FUT9: variants seen among roughly 807,000 people sequenced by gnomAD.
The protein encoded by FUT9 is fucosyltransferase 9, also known as 4-galactosyl-N-acetylglucosaminide 3-alpha-L-fucosyltransferase 9.
FUT9 carries 15 observed loss-of-function variants against 29.7 expected under a neutral mutation model. The observed-to-expected ratio is 0.51, with a 90% CI of 0.34 to 0.78. FUT9 has a LOEUF of 0.78. FUT9 is among the 30% of genes least tolerant of loss of function. FUT9 has a pLI of 0.01. For synonymous variants in FUT9, 169 were observed against 153.7 expected, an observed-to-expected ratio of 1.10 and a Z score of -0.74; for missense variants, 319 against 425.4, an observed-to-expected ratio of 0.75 and a Z score of 2.20.
intron 1 of FUT9, among the ~76,000 whole-genome samples, chr6:96,055,433 T>C (rs577990783): frequency 4.0e-5 from 6 of 151,832 alleles, no homozygotes; most frequent in Non-Finnish European, 7.4e-5. Flanking sequence ...TAAGTTAATT[T>C]CAAATTTTAG....
At chr6:96,066,354 C>T (rs1770961772) in intron 1 of FUT9, among the ~76,000 whole-genome samples, 1 of 149,782 alleles carries the variant, frequency 6.7e-6, no homozygotes, top group South Asian at 2.1e-4. Context: ...AAATCTAGAA[C>T]TAAGGGGAAT....
chr6:96,053,469 G>A (rs1464645173), intron 1 of FUT9, among the ~76,000 whole-genome samples: 1 of 152,144 alleles, frequency 6.6e-6, no homozygotes, highest in Non-Finnish European at 1.5e-5. Flanking sequence ...AGCACTTTGG[G>A]AGGCCGAGGC....
At chr6:96,117,253 A>G (rs1187534410) in intron 2 of FUT9, among the ~76,000 whole-genome samples, 1 of 152,216 alleles carries the variant, frequency 6.6e-6, no homozygotes, top group Non-Finnish European at 1.5e-5. Flanking sequence ...ATAAGTAAAT[A>G]AATTATAGAT....
Position 96,205,056 on chromosome 6 carries a change from G to GA in FUT9, c.*826dup, listed in dbSNP as rs1773802613. 6.0e-6 allele frequency: 1 copy of GA among 166,240 alleles called. No individual in the cohort carries two copies. The highest frequency in any genetic ancestry group is 2.1e-4 in the South Asian group (1 of 4,808). The allele number at this position is 166,240 out of a possible 1,614,324, so 10.3% of individuals were successfully genotyped here. A position where few individuals can be genotyped will look rare whatever the true frequency, so the allele number is the denominator to read the frequency against. On this transcript the variant is annotated 3_prime_UTR_variant, in exon 3 of 3. Transcript: ENST00000302103. ...ACAAATAATTTCCTCAAATAACAAA[G>GA]AAAAATGATACCTATAAATATATTT...
chr6:96,135,875 G>A (rs9485751), intron 2 of FUT9, among the ~76,000 whole-genome samples: 135,839 of 151,256 alleles, frequency 0.9, 62,439 homozygotes, highest in East Asian at 0.99. Context: ...AAAGTGGGAA[G>A]CAAACATTTC....
At chr6:96,046,292 G>A (rs1028697205) in intron 1 of FUT9, among the ~76,000 whole-genome samples, 1 of 151,516 alleles carries the variant, frequency 6.6e-6, no homozygotes, top group Non-Finnish European at 1.5e-5. Flanking sequence ...CGTATGCAAT[G>A]CACTTTGATT....
At chr6:96,073,614 T>G (rs1771098940) in intron 1 of FUT9, among the ~76,000 whole-genome samples, 2 of 152,156 alleles carry the variant, frequency 1.3e-5, no homozygotes, top group South Asian at 4.1e-4. Context: ...GGATTGAACA[T>G]TATCAGTATC....
intron 2 of FUT9, among the ~76,000 whole-genome samples, chr6:96,200,923 T>A (rs1261367305): frequency 6.6e-6 from 1 of 152,036 alleles, no homozygotes; most frequent in Non-Finnish European, 1.5e-5. Flanking sequence ...ATTTCTAATA[T>A]TTATTATTGC....
rs538214427 is a variant in FUT9, at chr6:96,208,984, C to T, written c.*4749C>T. On this transcript the variant is annotated 3_prime_UTR_variant, in exon 3 of 3. Coordinates refer to ENST00000302103, the MANE Select transcript of FUT9 (RefSeq NM_006581.4). ...TTCACTACTATCCACAGTGTTCTCC[C>T]CTTTAGTAATTCATATTGAATATAT... The T allele has an allele frequency of 6.0e-6, 1 of 166,718 alleles. No homozygotes were observed. The highest frequency in any genetic ancestry group is 2.1e-4 in the South Asian group (1 of 4,808). The allele number at this position is 166,718 out of a possible 1,614,324, so 10.3% of individuals were successfully genotyped here.
At chr6:96,151,933 C>T (rs1421561328) in intron 2 of FUT9, among the ~76,000 whole-genome samples, 1 of 152,070 alleles carries the variant, frequency 6.6e-6, no homozygotes, top group Admixed American at 6.6e-5. Flanking sequence ...TGAAGAAATA[C>T]CAGGAAGGAC....
At chr6:96,075,769 CAACTT>C (rs1771133520) in intron 1 of FUT9, among the ~76,000 whole-genome samples, 1 of 152,094 alleles carries the variant, frequency 6.6e-6, no homozygotes, top group Admixed American at 6.5e-5. Context: ...AATTTTATGT[CAACTT>C]AAGTTCACTG....
intron 2 of FUT9, among the ~76,000 whole-genome samples, chr6:96,155,926 T>C (rs1456303522): frequency 1.3e-5 from 2 of 152,312 alleles, no homozygotes; most frequent in Admixed American, 6.5e-5. Context: ...ATGGCATCCC[T>C]AGCAAACTAA....
chr6:96,124,659 C>T (rs888594726), intron 2 of FUT9, among the ~76,000 whole-genome samples: 1 of 152,026 alleles, frequency 6.6e-6, no homozygotes, highest in Non-Finnish European at 1.5e-5. Context: ...CTCTCATCCT[C>T]CTGAATTTTG....
chr6:96,149,291 A>G (rs1772633813), intron 2 of FUT9, among the ~76,000 whole-genome samples: 1 of 152,116 alleles, frequency 6.6e-6, no homozygotes, highest in Admixed American at 6.5e-5. Context: ...TTTTTAAATG[A>G]AGAACATGAT....
chr6:96,201,169 T>C (rs945689618), intron 2 of FUT9, among the ~76,000 whole-genome samples: 4 of 152,024 alleles, frequency 2.6e-5, no homozygotes, highest in African/African-American at 9.7e-5. Flanking sequence ...TTAGTTGTTG[T>C]TGTTTATGAA....
At chr6:96,140,053 T>A (rs942235563) in intron 2 of FUT9, among the ~76,000 whole-genome samples, 4 of 152,202 alleles carry the variant, frequency 2.6e-5, no homozygotes, top group Admixed American at 1.3e-4. Flanking sequence ...CTACTTCCTC[T>A]TGCATGCTTT....
chr6:96,169,423 C>A (rs1773072079), intron 2 of FUT9, among the ~76,000 whole-genome samples: 2 of 152,068 alleles, frequency 1.3e-5, no homozygotes, highest in Non-Finnish European at 2.9e-5. Flanking sequence ...CTCAATGAAT[C>A]TCAGGTATAA....
At chr6:96,166,919 G>C (rs1237423179) in intron 2 of FUT9, among the ~76,000 whole-genome samples, 1 of 151,958 alleles carries the variant, frequency 6.6e-6, no homozygotes, top group Admixed American at 6.6e-5. Flanking sequence ...CATCATTTAG[G>C]GAATAATGAT....
chr6:96,046,034 C>T (rs1644801112), intron 1 of FUT9, among the ~76,000 whole-genome samples: 1 of 152,128 alleles, frequency 6.6e-6, no homozygotes. Context: ...TTTTGAGCAG[C>T]TCACATTCTT....
Sources: gnomAD v4.1 joint callset for allele counts (sites outside exome capture counted in the v4.1 genomes callset) on GRCh38, gnomAD v4.1.1 for gene constraint, MANE v1.5 for transcripts, NCBI Gene and HGNC (gene_info 2026-07-23, HGNC 2026-07-21) for gene names.